Variants in NFIA observed in about 807,000 individuals in gnomAD.
NFIA encodes nuclear factor I A.
In NFIA, 8 loss-of-function variants were observed where a neutral mutation model predicts 62.8. The observed-to-expected ratio is 0.13, with a 90% CI of 0.07 to 0.23. NFIA has a LOEUF of 0.23. NFIA is among the 10% of genes least tolerant of loss of function. The pLI, the probability that NFIA is intolerant of heterozygous loss-of-function variation, is 1.00. For synonymous variants in NFIA, 235 were observed against 238.1 expected (o/e 0.99, Z 0.12); for missense variants, 410 against 642.1 (o/e 0.64, Z 3.91).
At chr1:61,406,499 A>C (rs1333917904) in intron 8 of NFIA, 63 bp from the exon 9 acceptor site, 6 of 1,405,422 alleles carry the variant, frequency 4.3e-6, no homozygotes. Context: ...GAAGCAGCTA[A>C]TGGTTGCTGT....
At chr1:61,252,944 G>GA (rs923612474) in intron 2 of NFIA, among the ~76,000 whole-genome samples, 4 of 152,020 alleles carry the variant, frequency 2.6e-5, no homozygotes, top group African/African-American at 7.2e-5. Context: ...CCTACCAAGG[G>GA]AAAAAAAGGG....
chr1:61,193,785 T>C (rs1213284458), intron 2 of NFIA, among the ~76,000 whole-genome samples: 1 of 152,252 alleles, frequency 6.6e-6, no homozygotes, highest in Non-Finnish European at 1.5e-5. Context: ...TTTTTCCTTT[T>C]AACATTTTCC....
chr1:61,353,404 T>C (rs1373934953), intron 5 of NFIA, among the ~76,000 whole-genome samples: 2 of 152,206 alleles, frequency 1.3e-5, no homozygotes, highest in Admixed American at 1.3e-4. Context: ...GTGTTGTCTC[T>C]AGATAACCTG....
intron 2 of NFIA, among the ~76,000 whole-genome samples, chr1:61,205,857 G>C (rs1371736946): frequency 6.7e-6 from 1 of 149,510 alleles, no homozygotes; most frequent in Non-Finnish European, 1.5e-5. Flanking sequence ...ACAGTAGTCA[G>C]CAAATGCCCT....
chr1:61,189,231 G>T (rs976765833), intron 2 of NFIA, among the ~76,000 whole-genome samples: 1 of 152,158 alleles, frequency 6.6e-6, no homozygotes, highest in Admixed American at 6.5e-5. Context: ...AGGACAAGGA[G>T]CCCTGAAGAT....
At chr1:61,393,146 CATT>C (rs1418373725) in intron 7 of NFIA, among the ~76,000 whole-genome samples, 1 of 108,230 alleles carries the variant, frequency 9.2e-6, no homozygotes, top group Admixed American at 9.8e-5. Flanking sequence ...TGTATAGACT[CATT>C]ATTTATTTTC....
At chr1:61,136,050 T>C (rs1021488032) in intron 2 of NFIA, among the ~76,000 whole-genome samples, 1 of 152,256 alleles carries the variant, frequency 6.6e-6, no homozygotes, top group Non-Finnish European at 1.5e-5. Flanking sequence ...TCACGAGATA[T>C]ACTACATCAT....
chr1:61,281,948 A>G (rs1311024476), intron 3 of NFIA, among the ~76,000 whole-genome samples: 1 of 152,200 alleles, frequency 6.6e-6, no homozygotes, highest in Non-Finnish European at 1.5e-5. Context: ...TTTTTGGAGT[A>G]TCTGTTCACT....
chr1:61,448,877 GA>G (rs1172176912), intron 10 of NFIA, among the ~76,000 whole-genome samples: 2 of 152,222 alleles, frequency 1.3e-5, no homozygotes, highest in African/African-American at 2.4e-5. Flanking sequence ...GGAATCTCGT[GA>G]AAGATTCAGA....
At chr1:61,222,634 A>G (rs1654090225) in intron 2 of NFIA, among the ~76,000 whole-genome samples, 2 of 152,100 alleles carry the variant, frequency 1.3e-5, no homozygotes, top group Admixed American at 1.3e-4. Context: ...GTAAAAAGCT[A>G]GATTCTGTTT....
intron 2 of NFIA, among the ~76,000 whole-genome samples, chr1:61,137,411 T>TG (rs1225020045): frequency 2.0e-5 from 3 of 152,166 alleles, no homozygotes; most frequent in Admixed American, 2.0e-4. Context: ...GCCTAGTTCT[T>TG]GGGGGTGGTT....
At chr1:61,179,172 A>G (rs146074408) in intron 2 of NFIA, among the ~76,000 whole-genome samples, 53 of 152,356 alleles carry the variant, frequency 3.5e-4, no homozygotes, top group African/African-American at 1.2e-3. Context: ...TGTGAGCAGC[A>G]TGTGGGGAGG....
chr1:61,101,540 G>T (rs541639641), intron 2 of NFIA, among the ~76,000 whole-genome samples: 80 of 152,160 alleles, frequency 5.3e-4, no homozygotes, highest in African/African-American at 1.8e-3. Flanking sequence ...ATAGGAAAAT[G>T]AAACAGCAGG....
chr1:61,176,945 G>A (rs144876343), intron 2 of NFIA, among the ~76,000 whole-genome samples: 11,007 of 151,796 alleles, frequency 0.073, 939 homozygotes, highest in East Asian at 0.22. Context: ...TCTACTAAAA[G>A]TACAAAAAAA....
intron 4 of NFIA, among the ~76,000 whole-genome samples, chr1:61,338,252 A>G (rs1661719926): frequency 6.6e-6 from 1 of 152,204 alleles, no homozygotes; most frequent in African/African-American, 2.4e-5. Context: ...GTGCTGCAGA[A>G]TCTATTAAAA....
intron 6 of NFIA, among the ~76,000 whole-genome samples, chr1:61,374,281 G>A (rs904113253): frequency 5.9e-5 from 9 of 152,020 alleles, no homozygotes; most frequent in South Asian, 2.1e-4. Flanking sequence ...CTGTGAATGC[G>A]TATAATTGCT....
rs140254477 is a variant in NFIA at position 61,414,234 on chromosome 1, C to T, written c.1420+7507C>T. Among the ~76,000 whole-genome samples the T allele has an allele frequency of 4.3e-3, 661 of 152,294 alleles. 7 individuals carry two copies. Among genetic ancestry groups the T allele is most frequent in the African/African-American group, 0.015 (631 of 41,568 alleles). ...CTGGCCTCAAGCGGTCCACCTGCCTCGGCCTCCCAAAGTGTTGGGATTATA... is the reference window on the plus strand; with the variant it reads ...CTGGCCTCAAGCGGTCCACCTGCCTTGGCCTCCCAAAGTGTTGGGATTATA... On this transcript the variant is annotated intron_variant, in intron 9 of 10. Coordinates refer to ENST00000403491, the MANE Select transcript of NFIA (RefSeq NM_001134673.4).
rs541205305 is a variant in NFIA, at chr1:61,243,071, T to C, written c.560-34449T>C. ...TGTTAGTAGCCATCAAAGCTTCTCG[T>C]ATGTTTATTTCTAGTCTTTTCTCAC... On this transcript the variant is annotated intron_variant, in intron 2 of 10. Coordinates refer to ENST00000403491, the MANE Select transcript of NFIA (RefSeq NM_001134673.4). Among the ~76,000 whole-genome samples, 7 of 152,266 alleles carry C rather than the reference T, an allele frequency of 4.6e-5. No individual in the cohort carries two copies. In the East Asian group the frequency reaches 1.4e-3, roughly 29 times the overall value.
At chr1:61,222,005 A>C (rs896913091) in intron 2 of NFIA, among the ~76,000 whole-genome samples, 1 of 152,122 alleles carries the variant, frequency 6.6e-6, no homozygotes, top group African/African-American at 2.4e-5. Flanking sequence ...CTTCAAAAGC[A>C]CTCTGAACTC....
Sources: gnomAD v4.1 joint callset for allele counts (sites outside exome capture counted in the v4.1 genomes callset) on GRCh38, gnomAD v4.1.1 for gene constraint, MANE v1.5 for transcripts, NCBI Gene and HGNC (gene_info 2026-07-23, HGNC 2026-07-21) for gene names.